ARL13B: variants seen among roughly 807,000 people sequenced by gnomAD.
ARL13B encodes the protein ADP-ribosylation factor-like protein 13B.
ARL13B carries 36 observed loss-of-function variants against 56.1 expected under a neutral mutation model. The observed-to-expected ratio is 0.64, with a 90% CI of 0.49 to 0.85. The LOEUF is 0.85. Ranked by LOEUF, ARL13B falls within the 40% of genes least tolerant of loss-of-function variation. ARL13B has a pLI of 0.00. For synonymous variants in ARL13B, 178 were observed against 171.1 expected (o/e 1.04, Z -0.32); for missense variants, 519 against 507.1 (o/e 1.02, Z -0.23).
At chr3:94,006,773 A>G (rs1296931539) in intron 3 of ARL13B, among the ~76,000 whole-genome samples, 1 of 152,234 alleles carries the variant, frequency 6.6e-6, no homozygotes, top group Non-Finnish European at 1.5e-5. Context: ...TTCCTTTCAT[A>G]GTTCCATGCA....
intron 7 of ARL13B, among the ~76,000 whole-genome samples, chr3:94,048,783 A>T (rs1008538761): frequency 2.0e-5 from 3 of 151,630 alleles, no homozygotes; most frequent in Admixed American, 6.6e-5. Context: ...CCCCATAGAG[A>T]TGAGGTCTCC....
At chr3:94,042,205 A>G (rs1415470551) in intron 6 of ARL13B, among the ~76,000 whole-genome samples, 1 of 152,232 alleles carries the variant, frequency 6.6e-6, no homozygotes, top group Non-Finnish European at 1.5e-5. Context: ...GATATGTGGT[A>G]TTGAATATGA....
chr3:93,984,887 G>A (rs1266580469), intron 1 of ARL13B, among the ~76,000 whole-genome samples: 11 of 152,180 alleles, frequency 7.2e-5, no homozygotes, highest in Non-Finnish European at 1.6e-4. Context: ...GCATGTGCCT[G>A]TAGTCCGAGC....
intron 3 of ARL13B, among the ~76,000 whole-genome samples, chr3:94,026,692 A>G (rs1031905862): frequency 1.3e-5 from 2 of 152,184 alleles, no homozygotes; most frequent in African/African-American, 4.8e-5. Context: ...ACTAGGTGAA[A>G]TTGATGAAAT....
chr3:94,045,236 T>C (rs1022671723), intron 7 of ARL13B, among the ~76,000 whole-genome samples: 1 of 152,126 alleles, frequency 6.6e-6, no homozygotes, highest in Non-Finnish European at 1.5e-5. Flanking sequence ...AAACAGATGC[T>C]TGAAGGCAGC....
intron 3 of ARL13B, among the ~76,000 whole-genome samples, chr3:94,028,990 T>G (rs1204854462): frequency 1.3e-5 from 2 of 152,016 alleles, no homozygotes; most frequent in African/African-American, 4.8e-5. Flanking sequence ...AAGGAGAACA[T>G]CCAGGAAAGA....
chr3:93,993,815 C>T (rs1377534587), intron 1 of ARL13B, among the ~76,000 whole-genome samples: 1 of 152,180 alleles, frequency 6.6e-6, no homozygotes, highest in Non-Finnish European at 1.5e-5. Flanking sequence ...AAAGCAGGTA[C>T]ATTTCCAGAT....
intron 1 of ARL13B, among the ~76,000 whole-genome samples, chr3:93,986,629 T>C (rs1191378876): frequency 6.6e-6 from 1 of 152,194 alleles, no homozygotes; most frequent in African/African-American, 2.4e-5. Context: ...TTAGTGTTTT[T>C]AGCGAAATGT....
intron 1 of ARL13B, among the ~76,000 whole-genome samples, chr3:93,991,527 A>G (rs1252066036): frequency 2.0e-5 from 3 of 152,106 alleles, no homozygotes; most frequent in African/African-American, 7.2e-5. Flanking sequence ...GGCACACATC[A>G]CCATTCCCAG....
intron 1 of ARL13B, among the ~76,000 whole-genome samples, chr3:93,986,348 T>C (rs1480993334): frequency 6.6e-6 from 1 of 152,182 alleles, no homozygotes; most frequent in East Asian, 1.9e-4. Flanking sequence ...TGCTGTAATA[T>C]GGGGTTCTAG....
intron 2 of ARL13B, among the ~76,000 whole-genome samples, chr3:94,002,611 A>G (rs2076072506): frequency 1.3e-5 from 2 of 152,226 alleles, no homozygotes; most frequent in Non-Finnish European, 2.9e-5. Context: ...TCAGTATGCC[A>G]TTAATCTTTC....
intron 3 of ARL13B, among the ~76,000 whole-genome samples, chr3:94,022,382 TC>T (rs1331692197): frequency 6.6e-6 from 1 of 152,186 alleles, no homozygotes; most frequent in Non-Finnish European, 1.5e-5. Flanking sequence ...CGCCTCAGCC[TC>T]CCAAAGTGCT....
intron 3 of ARL13B, among the ~76,000 whole-genome samples, chr3:94,021,296 G>A (rs1455154396): frequency 6.6e-6 from 1 of 151,618 alleles, no homozygotes; most frequent in East Asian, 1.9e-4. Context: ...TGGGTTCGAA[G>A]CGATTCTCCT....
chr3:94,041,582 C>A (rs1293963202), intron 6 of ARL13B, among the ~76,000 whole-genome samples: 1 of 152,002 alleles, frequency 6.6e-6, no homozygotes, highest in Non-Finnish European at 1.5e-5. Context: ...AAGAGCTATT[C>A]TACAAAGTTA....
chr3:94,039,227 G>A (rs1015494330), intron 5 of ARL13B, among the ~76,000 whole-genome samples: 13 of 152,056 alleles, frequency 8.5e-5, no homozygotes, highest in African/African-American at 1.7e-4. Context: ...TTGGCTGGGC[G>A]CGGTGGCTCA....
At chr3:94,009,196 T>C (rs2076183090) in intron 3 of ARL13B, among the ~76,000 whole-genome samples, 1 of 152,094 alleles carries the variant, frequency 6.6e-6, no homozygotes, top group African/African-American at 2.4e-5. Flanking sequence ...ATCCCAAGTG[T>C]ATGTACATTT....
intron 3 of ARL13B, among the ~76,000 whole-genome samples, chr3:94,030,623 A>G (rs574150487): frequency 1.3e-5 from 2 of 152,276 alleles, no homozygotes; most frequent in African/African-American, 4.8e-5. Context: ...ACCTAGGTAT[A>G]TATCTAGGTG....
At chr3:94,014,664 G>T in intron 3 of ARL13B, 1 of 1,613,538 alleles carries the variant, frequency 6.2e-7, no homozygotes, top group South Asian at 1.1e-5. Context: ...TAGTGATATT[G>T]ATTTCTGTAA....
intron 1 of ARL13B, among the ~76,000 whole-genome samples, chr3:93,982,409 T>C (rs977568973): frequency 4.6e-5 from 7 of 152,248 alleles, no homozygotes; most frequent in Non-Finnish European, 1.0e-4. Context: ...CTAGTCTGAA[T>C]TAAGATGCTG....
Sources: allele counts gnomAD v4.1 joint callset (sites outside exome capture counted in the v4.1 genomes callset), GRCh38; gene constraint gnomAD v4.1.1; transcripts MANE v1.5; gene names NCBI Gene and HGNC (gene_info 2026-07-23, HGNC 2026-07-21).